PDSS1: variants seen among roughly 807,000 people sequenced by gnomAD.
PDSS1 encodes the protein all trans-polyprenyl-diphosphate synthase PDSS1.
In PDSS1, 43 loss-of-function variants were observed where a neutral mutation model predicts 57.5. That is an observed-to-expected ratio of 0.75 (90% CI 0.59 to 0.96). PDSS1 has a LOEUF of 0.96. PDSS1 is among the 50% of genes least tolerant of loss of function. The pLI is 0.00. For missense variants in PDSS1, 438 were observed against 527.8 expected, an observed-to-expected ratio of 0.83 and a Z score of 1.67; for synonymous variants, 175 against 191.3, an observed-to-expected ratio of 0.91 and a Z score of 0.70.
chr10:26,699,108 G>A (rs1488087128), intron 1 of PDSS1, among the ~76,000 whole-genome samples: 2 of 152,088 alleles, frequency 1.3e-5, no homozygotes, highest in Non-Finnish European at 2.9e-5. Context: ...CTCCAGCCTG[G>A]GCAACAGTGT....
At chr10:26,716,300 A>G (rs373385034) in intron 5 of PDSS1, among the ~76,000 whole-genome samples, 43 of 152,370 alleles carry the variant, frequency 2.8e-4, no homozygotes, top group African/African-American at 9.9e-4. Context: ...CAGGGAAAAT[A>G]TATTTTGTAA....
intron 8 of PDSS1, among the ~76,000 whole-genome samples, chr10:26,727,829 C>G (rs1350078493): frequency 2.0e-5 from 3 of 152,188 alleles, no homozygotes; most frequent in Non-Finnish European, 4.4e-5. Context: ...CTCTTGTCAT[C>G]TAGAACAGTC....
intron 6 of PDSS1, among the ~76,000 whole-genome samples, chr10:26,721,985 C>T (rs188093917): frequency 4.6e-5 from 7 of 152,322 alleles, no homozygotes; most frequent in South Asian, 2.1e-4. Context: ...AGTGCCCCCT[C>T]GGTGAGCCCT....
chr10:26,725,721 T>G (rs1354830490), intron 8 of PDSS1, among the ~76,000 whole-genome samples: 1 of 152,160 alleles, frequency 6.6e-6, no homozygotes, highest in Non-Finnish European at 1.5e-5. Flanking sequence ...ATATTTATCC[T>G]TAAGAGGATG....
chr10:26,721,299 A>C (rs1344737399), intron 6 of PDSS1, among the ~76,000 whole-genome samples: 1 of 73,070 alleles, frequency 1.4e-5, no homozygotes, highest in Non-Finnish European at 3.5e-5. Flanking sequence ...ACTCCATTTC[A>C]AAAAAAAAAA....
intron 5 of PDSS1, among the ~76,000 whole-genome samples, chr10:26,710,575 T>G (rs1351060369): frequency 1.1e-5 from 1 of 92,622 alleles, no homozygotes; most frequent in Non-Finnish European, 2.5e-5. Flanking sequence ...CCTGAACTCA[T>G]GTGATCCACC....
At chr10:26,734,851 T>C (rs1463846745) in intron 8 of PDSS1, 2 of 436,538 alleles carry the variant, frequency 4.6e-6, no homozygotes, top group African/African-American at 4.1e-5. Flanking sequence ...GTAATCGGGC[T>C]AGCTTGCCGA....
At chr10:26,733,837 G>A (rs1171694864) in intron 8 of PDSS1, among the ~76,000 whole-genome samples, 1 of 152,084 alleles carries the variant, frequency 6.6e-6, no homozygotes, top group Admixed American at 6.6e-5. Context: ...AGCTGGGTGT[G>A]GTTGCGCGTG....
At chr10:26,733,384 C>G (rs1836282383) in intron 8 of PDSS1, among the ~76,000 whole-genome samples, 1 of 152,106 alleles carries the variant, frequency 6.6e-6, no homozygotes, top group South Asian at 2.1e-4. Flanking sequence ...AAAAAAGGAG[C>G]CCTCCCTGAC....
chr10:26,714,855 A>G (rs1482901050), intron 5 of PDSS1: 3 of 152,234 alleles, frequency 2.0e-5, no homozygotes, highest in African/African-American at 2.4e-5. Flanking sequence ...TTCACAGTAG[A>G]TAACAGGTTG....
At chr10:26,714,482 A>T (rs1356636517) in intron 5 of PDSS1, 3 of 144,730 alleles carry the variant, frequency 2.1e-5, no homozygotes, top group Non-Finnish European at 4.6e-5. Context: ...AAAAAAAAAA[A>T]GAAAAGAAAA....
intron 2 of PDSS1, among the ~76,000 whole-genome samples, chr10:26,703,392 T>C (rs979166696): frequency 2.0e-5 from 3 of 152,224 alleles, no homozygotes; most frequent in Non-Finnish European, 4.4e-5. Flanking sequence ...ACGTCTGTAA[T>C]TCCAGCACTT....
Position 26,710,495 on chromosome 10 carries a change from AT to A in PDSS1, c.467+743del, listed in dbSNP as rs541495006. ...AGGTATGAGCCACCATGCCCGGCTA[AT>A]TTTTTTTTTTTTTTTGTATTTTTAG... On this transcript the variant is annotated intron_variant, in intron 5 of 11. Coordinates refer to ENST00000376215, the MANE Select transcript of PDSS1 (RefSeq NM_014317.5). Among the ~76,000 whole-genome samples the A allele has an allele frequency of 2.5e-3, 198 of 78,832 alleles. 9 individuals carry two copies. Among genetic ancestry groups the A allele is most frequent in the Middle Eastern group, 7.2e-3 (1 of 138 alleles). 51.7% of individuals were successfully genotyped at this position (78,832 alleles called of 152,430 possible). A position where few individuals can be genotyped will look rare whatever the true frequency, so the allele number is the denominator to read the frequency against.
Position 26,735,190 on chromosome 10 carries a change from T to C in PDSS1, c.832-50T>C, listed in dbSNP as rs1836349199. 1.5e-5 allele frequency: 20 copies of C among 1,345,970 alleles called. No individual in the cohort carries two copies. In the East Asian group the frequency reaches 4.6e-4, roughly 31 times the overall value. The allele number at this position is 1,345,970 out of a possible 1,614,324, so 83.4% of individuals were successfully genotyped here. Reference sequence around the variant, plus strand: ...ATTCCTTCAGCCAGGGGTCAGCTGCTTTGTTGCTGCCTGGAAGCAGCTTAT... The same window carrying C: ...ATTCCTTCAGCCAGGGGTCAGCTGCCTTGTTGCTGCCTGGAAGCAGCTTAT... On this transcript the variant is annotated intron_variant, in intron 8 of 11. Coordinates refer to ENST00000376215, the MANE Select transcript of PDSS1 (RefSeq NM_014317.5).
At chr10:26,699,316 C>G (rs1588664155) in intron 1 of PDSS1, among the ~76,000 whole-genome samples, 1 of 152,098 alleles carries the variant, frequency 6.6e-6, no homozygotes, top group Non-Finnish European at 1.5e-5. Flanking sequence ...TCAGATATTT[C>G]TAGTTCCACA....
At chr10:26,735,382 G>T in intron 9 of PDSS1, 62 bp downstream of exon 9, 5 of 1,368,564 alleles carry the variant, frequency 3.7e-6, no homozygotes, top group Non-Finnish European at 5.2e-6. Context: ...TTCTCCCCTA[G>T]TGTGTAATCG....
rs763915931 is a variant in PDSS1, at chr10:26,697,794, G to T, written c.83G>T (p.Arg28Leu). The T allele has an allele frequency of 4.1e-5, 55 of 1,340,432 alleles. No individual in the cohort carries two copies. The East Asian group carries it at 1.5e-3, about 36-fold the overall frequency. The allele number at this position is 1,340,432 out of a possible 1,614,324, so 83.0% of individuals were successfully genotyped here. ...ARSPGPGSPG[R>L]AGPLGPSAAA... is the part of the protein sequence containing the mutation. ...AGCCCCGGGCCCGGCTCCCCCGGCC[G>T]TGCGGGACCGTTGGGGCCGAGCGCC... Residue 28 changes from arginine (R) to leucine (L), a missense_variant, in exon 1 of 12, where the codon CGT becomes CTT. Physicochemically the swap from Arg to Leu is moderately radical, Grantham distance 102. Coordinates refer to ENST00000376215, the MANE Select transcript of PDSS1 (RefSeq NM_014317.5).
At chr10:26,717,323 C>T (rs542412694) in intron 5 of PDSS1, among the ~76,000 whole-genome samples, 1 of 152,162 alleles carries the variant, frequency 6.6e-6, no homozygotes, top group African/African-American at 2.4e-5. Flanking sequence ...CCTCCACCTC[C>T]CAGGTTCAAG....
chr10:26,737,821 G>A (rs1405502504), intron 10 of PDSS1, among the ~76,000 whole-genome samples: 2 of 151,710 alleles, frequency 1.3e-5, no homozygotes, highest in African/African-American at 4.8e-5. Flanking sequence ...TTTTATGTGT[G>A]CTTTGCTGGG....
Sources: gnomAD v4.1 joint callset for allele counts (sites outside exome capture counted in the v4.1 genomes callset) on GRCh38, gnomAD v4.1.1 for gene constraint, MANE v1.5 for transcripts, NCBI Gene and HGNC (gene_info 2026-07-23, HGNC 2026-07-21) for gene names.